BAZ2B: variants seen among roughly 807,000 people sequenced by gnomAD.
BAZ2B encodes bromodomain adjacent to zinc finger domain protein 2B.
A neutral mutation model predicts 246.0 loss-of-function variants in BAZ2B; 91 were observed. That is an observed-to-expected ratio of 0.37 (90% CI 0.31 to 0.44). The LOEUF is 0.44. Ranked by LOEUF, BAZ2B falls within the 20% of genes least tolerant of loss-of-function variation. BAZ2B has a pLI of 1.00. For missense variants in BAZ2B, 2,332 were observed against 2,533.7 expected (o/e 0.92, Z 1.71); for synonymous variants, 855 against 860.0 (o/e 0.99, Z 0.10).
the BAZ2B span, among the ~76,000 whole-genome samples, chr2:159,681,436 C>A: frequency 7.7e-6 from 1 of 130,228 alleles, no homozygotes; most frequent in Non-Finnish European, 1.7e-5. Flanking sequence ...AGACCAGACA[C>A]AGTTTGACCA....
the BAZ2B span, among the ~76,000 whole-genome samples, chr2:159,681,090 A>G: frequency 1.3e-5 from 2 of 152,146 alleles, no homozygotes; most frequent in South Asian, 4.1e-4. Context: ...TCTACATAAA[A>G]TGAGCCTGCT....
chr2:159,491,458 C>T (rs959101650), intron 2 of BAZ2B, among the ~76,000 whole-genome samples: 4 of 151,890 alleles, frequency 2.6e-5, no homozygotes, highest in Non-Finnish European at 5.9e-5. Flanking sequence ...CGGTGGCTCA[C>T]GCCTGTAATC....
At chr2:159,574,120 GACACACACACACACACACACATAC>G (rs1559810103) in intron 1 of BAZ2B, among the ~76,000 whole-genome samples, 1 of 132,144 alleles carries the variant, frequency 7.6e-6, no homozygotes, top group African/African-American at 3.1e-5. Flanking sequence ...GAGACTGACA[GACACACACACACACACACACATAC>G]ACACACACAC....
intron 1 of BAZ2B, among the ~76,000 whole-genome samples, chr2:159,582,302 G>C (rs1279188965): frequency 6.6e-6 from 1 of 152,180 alleles, no homozygotes; most frequent in Non-Finnish European, 1.5e-5. Flanking sequence ...GGGCCAAAGG[G>C]AATATATTTA....
chr2:159,404,578 G>A (rs931552152), intron 16 of BAZ2B: 3 of 307,428 alleles, frequency 9.8e-6, no homozygotes, highest in Non-Finnish European at 1.8e-5. Context: ...TCTGAAAATT[G>A]TTCAAGATAT....
intron 14 of BAZ2B, among the ~76,000 whole-genome samples, chr2:159,407,270 G>A (rs571824983): frequency 1.8e-4 from 28 of 151,818 alleles, no homozygotes; most frequent in African/African-American, 6.5e-4. Context: ...TCAGGACTTC[G>A]AGACCAGCCT....
At chr2:159,389,244 A>C in intron 21 of BAZ2B, 101 bp downstream of exon 21, 1 of 1,234,102 alleles carries the variant, frequency 8.1e-7, no homozygotes, top group Non-Finnish European at 1.1e-6. Context: ...ATAGTTAAAA[A>C]TGAAAGGCTT....
rs552062607 is a variant in BAZ2B at position 159,327,839 on chromosome 2, C to T, written c.5944-1921G>A. 4.3e-4 allele frequency among the ~76,000 whole-genome samples: 65 copies of T among 152,134 alleles called. No homozygotes were observed. The South Asian group carries it at 0.012, about 29-fold the overall frequency. On this transcript the variant is annotated intron_variant, in intron 34 of 36. Transcript: ENST00000392783. Reference sequence around the variant, plus strand: ...AGCGCTTTGGGAGGCCCAATGGGGGCGGATCGCCTGAGGTCAGGAGTTTGA... The same window carrying T: ...AGCGCTTTGGGAGGCCCAATGGGGGTGGATCGCCTGAGGTCAGGAGTTTGA...
intron 1 of BAZ2B, among the ~76,000 whole-genome samples, chr2:159,560,381 C>T (rs568427347): frequency 1.0e-4 from 15 of 148,518 alleles, no homozygotes; most frequent in Non-Finnish European, 7.4e-5. Flanking sequence ...TATGGTTATA[C>T]AATAAAAAAA....
intron 25 of BAZ2B, among the ~76,000 whole-genome samples, chr2:159,376,398 A>G (rs942204192): frequency 6.6e-6 from 1 of 152,054 alleles, no homozygotes; most frequent in African/African-American, 2.4e-5. Context: ...CTACTACCCA[A>G]TGAAAAAAAA....
At chr2:159,571,828 C>T (rs2151569542) in intron 1 of BAZ2B, among the ~76,000 whole-genome samples, 1 of 152,274 alleles carries the variant, frequency 6.6e-6, no homozygotes, top group Non-Finnish European at 1.5e-5. Context: ...GGATATCTGT[C>T]AAATCCATCT....
intron 3 of BAZ2B, chr2:159,462,912 C>G: frequency 1.9e-6 from 3 of 1,561,000 alleles, no homozygotes; most frequent in South Asian, 2.2e-5. Context: ...CTTCAGACCT[C>G]CATCTACTTG....
At chr2:159,689,532 C>T in the BAZ2B span, 138 of 232,180 alleles carry the variant, frequency 5.9e-4, no homozygotes, top group African/African-American at 2.6e-3. Flanking sequence ...CCACCACACC[C>T]GGCTTATTTT....
At chr2:159,407,918 C>A (rs958939215) in intron 14 of BAZ2B, among the ~76,000 whole-genome samples, 2 of 152,030 alleles carry the variant, frequency 1.3e-5, no homozygotes, top group Non-Finnish European at 2.9e-5. Flanking sequence ...TATAATAATG[C>A]CAGATAAATA....
chr2:159,514,841 A>G (rs2083271087), intron 2 of BAZ2B, among the ~76,000 whole-genome samples: 1 of 152,186 alleles, frequency 6.6e-6, no homozygotes, highest in African/African-American at 2.4e-5. Context: ...ATTACTTATT[A>G]TAAATTAAAA....
rs754716707 is a variant in BAZ2B, at chr2:159,337,808, T to C, written c.5455-36A>G. ...AGAGAATAGTGTTATTATGGTTTCC[T>C]CTTAAAATGCTAGGTGGGTGAATTA... is the stretch of plus-strand genomic sequence containing the variant. On this transcript the variant is annotated intron_variant, in intron 31 of 36. Coordinates refer to ENST00000392783, the MANE Select transcript of BAZ2B (RefSeq NM_013450.4). 51 of 1,577,272 alleles carry C rather than the reference T, an allele frequency of 3.2e-5. 1 individual carries two copies. The highest frequency in any genetic ancestry group is 2.7e-5 in the Non-Finnish European group (31 of 1,154,606).
At chr2:159,426,323 CA>C (rs1184373422) in intron 13 of BAZ2B, among the ~76,000 whole-genome samples, 1 of 152,050 alleles carries the variant, frequency 6.6e-6, no homozygotes, top group African/African-American at 2.4e-5. Context: ...CCTCTCCGAA[CA>C]AAAATCTAGT....
chr2:159,471,416 A>G (rs1173423968), intron 3 of BAZ2B, among the ~76,000 whole-genome samples: 1 of 152,150 alleles, frequency 6.6e-6, no homozygotes, highest in Non-Finnish European at 1.5e-5. Context: ...AGTCTGGACA[A>G]CAGAGTGAGT....
At chr2:159,686,986 G>A in the BAZ2B span, among the ~76,000 whole-genome samples, 5 of 143,146 alleles carry the variant, frequency 3.5e-5, no homozygotes, top group East Asian at 1.1e-3. Context: ...AGCTTGCAGT[G>A]AGCCGAGATT....
Sources: allele counts gnomAD v4.1 joint callset (sites outside exome capture counted in the v4.1 genomes callset), GRCh38; gene constraint gnomAD v4.1.1; transcripts MANE v1.5; gene names NCBI Gene and HGNC (gene_info 2026-07-23, HGNC 2026-07-21).